Variants in NPFFR2 observed in about 807,000 individuals in gnomAD.
The protein encoded by NPFFR2 is G-protein coupled receptor 74.
NPFFR2 carries 15 observed loss-of-function variants against 13.1 expected under a neutral mutation model. The observed-to-expected ratio is 1.15, with a 90% CI of 0.77 to 1.76. The LOEUF (loss-of-function observed/expected upper bound fraction) is 1.76. Ranked by LOEUF, NPFFR2 falls within the 40% of genes most tolerant of loss-of-function variation. The pLI, the probability that NPFFR2 is intolerant of heterozygous loss-of-function variation, is 0.00. For synonymous variants in NPFFR2, 190 were observed against 175.7 expected, an observed-to-expected ratio of 1.08 and a Z score of -0.65; for missense variants, 572 against 503.5, an observed-to-expected ratio of 1.14 and a Z score of -1.30.
intron 3 of NPFFR2, among the ~76,000 whole-genome samples, chr4:72,142,404 G>C (rs150503205): frequency 6.6e-6 from 1 of 152,078 alleles, no homozygotes; most frequent in African/African-American, 2.4e-5. Flanking sequence ...GTGATGCCCC[G>C]TCCTGCTTTG....
chr4:72,098,204 A>G (rs551272345), intron 1 of NPFFR2, among the ~76,000 whole-genome samples: 1 of 152,320 alleles, frequency 6.6e-6, no homozygotes, highest in African/African-American at 2.4e-5. Flanking sequence ...GGATTAAACA[A>G]ATAGCATATA....
intron 3 of NPFFR2, among the ~76,000 whole-genome samples, chr4:72,142,556 A>G (rs1397527470): frequency 6.6e-6 from 1 of 152,180 alleles, no homozygotes; most frequent in East Asian, 1.9e-4. Flanking sequence ...CTATCCGGCC[A>G]TTTTGGAACG....
chr4:72,103,839 T>G (rs1721329138), intron 1 of NPFFR2, among the ~76,000 whole-genome samples: 1 of 152,092 alleles, frequency 6.6e-6, no homozygotes, highest in South Asian at 2.1e-4. Context: ...ATACATCTCG[T>G]TTTATATAAG....
intron 1 of NPFFR2, among the ~76,000 whole-genome samples, chr4:72,114,211 G>A (rs1721647605): frequency 6.6e-6 from 1 of 151,980 alleles, no homozygotes; most frequent in Non-Finnish European, 1.5e-5. Context: ...TTTAAAAACT[G>A]AATATATGCT....
intron 1 of NPFFR2, among the ~76,000 whole-genome samples, chr4:72,038,564 A>G (rs1419880082): frequency 6.6e-6 from 1 of 152,128 alleles, no homozygotes; most frequent in Non-Finnish European, 1.5e-5. Context: ...TAGCTAAAAT[A>G]CCAATCAGTA....
chr4:72,105,394 AT>A (rs1721389240), intron 1 of NPFFR2, among the ~76,000 whole-genome samples: 1 of 152,044 alleles, frequency 6.6e-6, no homozygotes, highest in Non-Finnish European at 1.5e-5. Flanking sequence ...CTAGCTGGAA[AT>A]TTCTATGCAC....
intron 1 of NPFFR2, among the ~76,000 whole-genome samples, chr4:72,064,315 G>T (rs1347930608): frequency 6.6e-6 from 1 of 152,190 alleles, no homozygotes; most frequent in East Asian, 1.9e-4. Flanking sequence ...GACAGTGCAG[G>T]GAGGATCCAC....
intron 1 of NPFFR2, among the ~76,000 whole-genome samples, chr4:72,069,461 A>G (rs1720180508): frequency 6.6e-6 from 1 of 152,174 alleles, no homozygotes; most frequent in South Asian, 2.1e-4. Context: ...CAGGGTCTTC[A>G]CCAAAGTCCA....
chr4:72,142,604 C>A (rs931190776), intron 3 of NPFFR2, among the ~76,000 whole-genome samples: 3 of 152,120 alleles, frequency 2.0e-5, no homozygotes, highest in African/African-American at 4.8e-5. Flanking sequence ...AGCAACATAC[C>A]TACTAAAGTT....
At chr4:72,096,786 A>G (rs946425905) in intron 1 of NPFFR2, among the ~76,000 whole-genome samples, 1 of 152,080 alleles carries the variant, frequency 6.6e-6, no homozygotes, top group Non-Finnish European at 1.5e-5. Context: ...TTGACTTACA[A>G]TGGAGTTACG....
chr4:72,137,972 T>A, intron 2 of NPFFR2, 68 bp from the exon 3 acceptor site: 2 of 1,234,894 alleles, frequency 1.6e-6, no homozygotes, highest in East Asian at 4.7e-5. Context: ...TCCACAACTT[T>A]CTATTTTCAT....
intron 1 of NPFFR2, among the ~76,000 whole-genome samples, chr4:72,090,665 G>A (rs1720894052): frequency 6.6e-6 from 1 of 152,052 alleles, no homozygotes; most frequent in Non-Finnish European, 1.5e-5. Context: ...ACTGATTTGA[G>A]TACATTGATT....
intron 1 of NPFFR2, among the ~76,000 whole-genome samples, chr4:72,055,409 T>C (rs1252479102): frequency 6.6e-6 from 1 of 151,998 alleles, no homozygotes; most frequent in Non-Finnish European, 1.5e-5. Flanking sequence ...GCAAAGGTAA[T>C]AGATAAGTGT....
chr4:72,059,297 G>C (rs919489557), intron 1 of NPFFR2, among the ~76,000 whole-genome samples: 1 of 152,082 alleles, frequency 6.6e-6, no homozygotes, highest in Admixed American at 6.6e-5. Flanking sequence ...TTCACATAGC[G>C]CTGAGAGAAA....
chr4:72,080,091 C>T (rs561770290), intron 1 of NPFFR2, among the ~76,000 whole-genome samples: 2 of 151,886 alleles, frequency 1.3e-5, no homozygotes, highest in Non-Finnish European at 2.9e-5. Context: ...ATAGAGATGT[C>T]TCTAAAGTTC....
chr4:72,109,194 T>C (rs1721496552), intron 1 of NPFFR2, among the ~76,000 whole-genome samples: 2 of 152,036 alleles, frequency 1.3e-5, no homozygotes. Context: ...TATTGGCCAT[T>C]AGTCAGCACC....
At chr4:72,040,482 C>A (rs1719177472) in intron 1 of NPFFR2, among the ~76,000 whole-genome samples, 1 of 152,094 alleles carries the variant, frequency 6.6e-6, no homozygotes, top group African/African-American at 2.4e-5. Flanking sequence ...GTTTCACTGA[C>A]CAATTTGTCC....
intron 1 of NPFFR2, among the ~76,000 whole-genome samples, chr4:72,065,986 A>G (rs771000385): frequency 5.9e-5 from 9 of 152,208 alleles, no homozygotes; most frequent in Non-Finnish European, 1.3e-4. Flanking sequence ...TTTATTTGTT[A>G]TATCTCTCCA....
intron 1 of NPFFR2, among the ~76,000 whole-genome samples, chr4:72,076,319 A>AT (rs1720435763): frequency 6.6e-6 from 1 of 152,042 alleles, no homozygotes; most frequent in African/African-American, 2.4e-5. Flanking sequence ...GATACTTTGT[A>AT]TTTTTGGTAT....
Sources: allele counts gnomAD v4.1 joint callset (sites outside exome capture counted in the v4.1 genomes callset), GRCh38; gene constraint gnomAD v4.1.1; transcripts MANE v1.5; gene names NCBI Gene and HGNC (gene_info 2026-07-23, HGNC 2026-07-21).